Variants in PRKG1 observed in about 807,000 individuals in gnomAD.
The protein encoded by PRKG1 is protein kinase cGMP-dependent 1.
Under a neutral mutation model 88.1 loss-of-function variants are expected in PRKG1, and 35 were observed. The observed-to-expected ratio is 0.40, with a 90% CI of 0.30 to 0.53. PRKG1 has a LOEUF of 0.53. Ranked by LOEUF, PRKG1 falls within the 20% of genes least tolerant of loss-of-function variation. PRKG1 has a pLI of 0.59. For missense variants in PRKG1, 540 were observed against 839.8 expected (o/e 0.64, Z 4.41); for synonymous variants, 303 against 292.5 (o/e 1.04, Z -0.37).
chr10:51,566,576 A>G (rs868631515), intron 3 of PRKG1, among the ~76,000 whole-genome samples: 22 of 152,034 alleles, frequency 1.4e-4, no homozygotes, highest in South Asian at 6.2e-4. Context: ...AAAGAATGTA[A>G]TGGGGTTGGG....
At chr10:51,955,826 GT>G (rs1303421870) in intron 5 of PRKG1, among the ~76,000 whole-genome samples, 9 of 152,044 alleles carry the variant, frequency 5.9e-5, no homozygotes, top group African/African-American at 1.9e-4. Flanking sequence ...GTTTTCTTTT[GT>G]TTTTAGAGTT....
At chr10:52,170,074 G>A (rs1235642786) in intron 9 of PRKG1, among the ~76,000 whole-genome samples, 1 of 152,040 alleles carries the variant, frequency 6.6e-6, no homozygotes, top group Non-Finnish European at 1.5e-5. Flanking sequence ...TCTCTCTAAA[G>A]AACCTATAAA....
At chr10:52,170,890 A>G (rs1351827754) in intron 9 of PRKG1, among the ~76,000 whole-genome samples, 1 of 152,070 alleles carries the variant, frequency 6.6e-6, no homozygotes, top group African/African-American at 2.4e-5. Context: ...GGCGGCTTTC[A>G]GACAGAACGG....
intron 2 of PRKG1, among the ~76,000 whole-genome samples, chr10:51,228,916 T>G (rs1178716705): frequency 6.6e-6 from 1 of 152,174 alleles, no homozygotes; most frequent in East Asian, 1.9e-4. Flanking sequence ...CCCTGTCCAG[T>G]CTCTGGAACT....
intron 3 of PRKG1, among the ~76,000 whole-genome samples, chr10:51,614,243 C>T (rs1311207370): frequency 1.3e-5 from 2 of 151,742 alleles, no homozygotes; most frequent in African/African-American, 4.8e-5. Flanking sequence ...TATAAAATGA[C>T]AATCTTCATC....
intron 3 of PRKG1, among the ~76,000 whole-genome samples, chr10:51,515,223 G>A (rs961264987): frequency 2.6e-5 from 4 of 152,078 alleles, no homozygotes; most frequent in African/African-American, 4.8e-5. Flanking sequence ...ACAAAATAGG[G>A]AATCAGCAGT....
intron 3 of PRKG1, among the ~76,000 whole-genome samples, chr10:51,769,146 G>A (rs766767526): frequency 5.3e-5 from 8 of 152,196 alleles, no homozygotes; most frequent in Non-Finnish European, 1.0e-4. Flanking sequence ...AAGGGTAGCT[G>A]TGCAAGATTT....
chr10:52,179,521 A>T lies in PRKG1; in HGVS notation c.1076+17558A>T, dbSNP rs180794634. 2.0e-4 allele frequency among the ~76,000 whole-genome samples: 31 copies of T among 152,014 alleles called. No individual in the cohort carries two copies. The East Asian group carries it at 5.6e-3, about 28-fold the overall frequency. On this transcript the variant is annotated intron_variant, in intron 9 of 17. Coordinates refer to ENST00000373980, the MANE Select transcript of PRKG1 (RefSeq NM_006258.4). ...TTTTCTCTTGCTGTTTTTAGAATTC[A>T]TTCTTTGTTTTTTGCTTTTGACAGT... is the stretch of plus-strand genomic sequence containing the variant.
intron 2 of PRKG1, among the ~76,000 whole-genome samples, chr10:51,288,581 T>G (rs1036560974): frequency 2.6e-5 from 4 of 152,178 alleles, no homozygotes; most frequent in African/African-American, 7.2e-5. Context: ...TCAAGGAGAT[T>G]CTGAGTGAAT....
chr10:51,823,927 G>C (rs1163094056), intron 4 of PRKG1, among the ~76,000 whole-genome samples: 1 of 131,070 alleles, frequency 7.6e-6, no homozygotes, highest in African/African-American at 2.9e-5. Flanking sequence ...GGGCTAGAGT[G>C]CAGTGGTGCA....
chr10:51,218,866 G>T (rs1838449554), intron 2 of PRKG1, among the ~76,000 whole-genome samples: 1 of 151,864 alleles, frequency 6.6e-6, no homozygotes, highest in African/African-American at 2.4e-5. Flanking sequence ...GGAAGAAGGA[G>T]AGAAGAAGGG....
intron 2 of PRKG1, among the ~76,000 whole-genome samples, chr10:51,233,995 G>A (rs186751496): frequency 2.3e-3 from 344 of 152,202 alleles, no homozygotes; most frequent in African/African-American, 7.8e-3. Flanking sequence ...TAGCTTATCA[G>A]AGTTAGAATT....
chr10:51,783,664 G>A (rs907992875), intron 3 of PRKG1, among the ~76,000 whole-genome samples: 1 of 152,078 alleles, frequency 6.6e-6, no homozygotes, highest in Non-Finnish European at 1.5e-5. Context: ...ACGTGTTTAA[G>A]CCCCAGCCAA....
intron 9 of PRKG1, among the ~76,000 whole-genome samples, chr10:52,179,406 T>C (rs1211642360): frequency 6.6e-6 from 1 of 152,200 alleles, no homozygotes; most frequent in Non-Finnish European, 1.5e-5. Flanking sequence ...GTACTTTGAC[T>C]ATATCACCCC....
At chr10:52,097,090 T>C (rs1847189874) in intron 7 of PRKG1, among the ~76,000 whole-genome samples, 1 of 152,134 alleles carries the variant, frequency 6.6e-6, no homozygotes, top group Non-Finnish European at 1.5e-5. Context: ...ATCAGACAGA[T>C]TCAATAAAAT....
chr10:52,124,323 C>G (rs957660959), intron 7 of PRKG1, among the ~76,000 whole-genome samples: 1 of 152,160 alleles, frequency 6.6e-6, no homozygotes, highest in East Asian at 1.9e-4. Context: ...CCTATTGCTC[C>G]TAGGCTAGAA....
intron 7 of PRKG1, among the ~76,000 whole-genome samples, chr10:52,073,521 T>C (rs181235881): frequency 6.6e-6 from 1 of 152,214 alleles, no homozygotes; most frequent in Admixed American, 6.5e-5. Context: ...TAGGTCCTCA[T>C]CATCCCCATG....
chr10:51,568,267 A>G (rs1837658685), intron 3 of PRKG1, among the ~76,000 whole-genome samples: 1 of 152,168 alleles, frequency 6.6e-6, no homozygotes, highest in Non-Finnish European at 1.5e-5. Flanking sequence ...TCAAATGCAT[A>G]TATAGTGCAG....
chr10:51,304,375 T>C (rs1840977149), intron 2 of PRKG1, among the ~76,000 whole-genome samples: 1 of 152,202 alleles, frequency 6.6e-6, no homozygotes, highest in African/African-American at 2.4e-5. Context: ...ACAACTGATG[T>C]AATAATTAAG....
Sources: allele counts gnomAD v4.1 joint callset (sites outside exome capture counted in the v4.1 genomes callset), GRCh38; gene constraint gnomAD v4.1.1; transcripts MANE v1.5; gene names NCBI Gene and HGNC (gene_info 2026-07-23, HGNC 2026-07-21).